The following TUT4 variants were observed in gnomAD, a reference collection of about 807,000 sequenced individuals.
TUT4 encodes the protein terminal uridylyl transferase 4.
In TUT4, 36 loss-of-function variants were observed where a neutral mutation model predicts 192.2. That is an observed-to-expected ratio of 0.19 (90% CI 0.14 to 0.25). The LOEUF (loss-of-function observed/expected upper bound fraction) is 0.25, where lower values mean the gene tolerates loss of function less well. Among genes scored for constraint, TUT4 ranks in the 10% least tolerant of loss-of-function variants. TUT4 has a pLI of 1.00. For synonymous variants in TUT4, 618 were observed against 666.0 expected (o/e 0.93, Z 1.11); for missense variants, 1,493 against 1,957.2 (o/e 0.76, Z 4.47).
rs760722000 is a variant in TUT4 at position 52,446,021 on chromosome 1, T to A, written c.3692-17A>T. 5.6e-6 allele frequency: 9 copies of A among 1,593,006 alleles called. No individual in the cohort carries two copies. In the South Asian group the frequency reaches 5.8e-5, roughly 10 times the overall value. The stretch of plus-strand genomic sequence containing the variant: ...CAAAAGGGTCTACAAAAGAAATATA[T>A]CAATGATTAAGAATTACATTCACTG... On this transcript the variant is annotated splice_polypyrimidine_tract_variant and intron_variant, in intron 22 of 29. Transcript: ENST00000257177.
intron 9 of TUT4, among the ~76,000 whole-genome samples, chr1:52,488,140 T>C (rs1670256464): frequency 6.6e-6 from 1 of 152,170 alleles, no homozygotes; most frequent in South Asian, 2.1e-4. Context: ...GGCAATTCTC[T>C]AAACAGAGCC....
intron 2 of TUT4, among the ~76,000 whole-genome samples, chr1:52,524,622 A>G (rs1203916005): frequency 6.6e-6 from 1 of 152,056 alleles, no homozygotes; most frequent in African/African-American, 2.4e-5. Flanking sequence ...CCTGGCCAAT[A>G]TGGTGAAATC....
intron 2 of TUT4, among the ~76,000 whole-genome samples, chr1:52,517,322 T>C (rs1052787921): frequency 7.2e-5 from 11 of 152,232 alleles, no homozygotes; most frequent in Non-Finnish European, 1.5e-5. Context: ...GCTAATGCTC[T>C]GTGTCATGTT....
In TUT4 at chr1:52,425,450, T is replaced by C; in HGVS notation, c.4769A>G (p.His1590Arg). 1 of 1,613,994 alleles carries C rather than the reference T, an allele frequency of 6.2e-7. No homozygotes were observed. The highest frequency in any genetic ancestry group is 8.5e-7 in the Non-Finnish European group (1 of 1,179,964). Residue 1590 changes from histidine (H) to arginine (R), a missense_variant, in exon 29 of 30, where the codon CAT becomes CGT. Transcript: ENST00000257177. ...CCACGAAGCTGGGACAAGGGGGAAA[T>C]GGGGACGCGGTGCATGTTCCCAAGG... ...PIPWEHAPRPHFPLVPASWPY... is the reference protein window; with the variant it reads ...PIPWEHAPRPRFPLVPASWPY...
intron 16 of TUT4, chr1:52,463,332 C>T: frequency 2.0e-6 from 2 of 991,296 alleles, no homozygotes; most frequent in Non-Finnish European, 2.4e-6. Flanking sequence ...TGGCTCTAAG[C>T]AGAATTTAAG....
In TUT4 at chr1:52,477,804, C is replaced by T; in HGVS notation, c.1927G>A (p.Asp643Asn). ...WLELLKFYTLDFALEEYVICV... is the reference protein window; with the variant it reads ...WLELLKFYTLNFALEEYVICV... ...ATGACATATTCCTCCAAAGCAAAAT[C>T]CAGTGTGTAGAATTTAAGCAGCTCT... Residue 643 changes from aspartate (D) to asparagine (N), a missense_variant, in exon 12 of 30, where the codon GAT (aspartate) becomes AAT (asparagine). By Grantham distance (23) the Asp-to-Asn change is conservative. Transcript: ENST00000257177. The T allele has an allele frequency of 6.2e-7, 1 of 1,613,958 alleles. No homozygotes were observed. The highest frequency in any genetic ancestry group is 8.5e-7 in the Non-Finnish European group (1 of 1,179,950).
intron 2 of TUT4, among the ~76,000 whole-genome samples, chr1:52,516,987 G>A (rs545044413): frequency 2.6e-5 from 4 of 152,160 alleles, no homozygotes; most frequent in African/African-American, 4.8e-5. Flanking sequence ...ATCTTGCCAC[G>A]ACACTTTTCA....
chr1:52,511,682 C>A (rs1203487895), intron 3 of TUT4, among the ~76,000 whole-genome samples: 1 of 151,922 alleles, frequency 6.6e-6, no homozygotes, highest in African/African-American at 2.4e-5. Flanking sequence ...CAGGAAGGTA[C>A]CTAAAATATT....
intron 24 of TUT4, among the ~76,000 whole-genome samples, chr1:52,444,030 G>A (rs971604273): frequency 1.3e-5 from 2 of 152,220 alleles, no homozygotes; most frequent in African/African-American, 4.8e-5. Flanking sequence ...GAGGTCAGGA[G>A]ATTGAGACCA....
chr1:52,478,813 C>T (rs143555886), intron 11 of TUT4, among the ~76,000 whole-genome samples: 1,856 of 152,254 alleles, frequency 0.012, 35 homozygotes, highest in African/African-American at 0.042. Flanking sequence ...TTCTCACATT[C>T]CATTTTACAA....
chr1:52,485,311 T>G (rs1001817258), intron 9 of TUT4, among the ~76,000 whole-genome samples: 1 of 152,238 alleles, frequency 6.6e-6, no homozygotes, highest in Non-Finnish European at 1.5e-5. Context: ...CACTTTTGTA[T>G]ATTTATCTTG....
intron 1 of TUT4, among the ~76,000 whole-genome samples, chr1:52,533,052 T>G (rs1018342909): frequency 3.9e-5 from 6 of 152,220 alleles, no homozygotes; most frequent in African/African-American, 1.2e-4. Flanking sequence ...TCTGATTCAG[T>G]AGATTGGGAG....
chr1:52,529,573 CTTT>C (rs1682794542), intron 1 of TUT4, among the ~76,000 whole-genome samples: 1 of 152,076 alleles, frequency 6.6e-6, no homozygotes, highest in Non-Finnish European at 1.5e-5. Flanking sequence ...TATAACGATT[CTTT>C]AATAATTTTG....
At chr1:52,430,299 G>C (rs1269290968) in intron 28 of TUT4, among the ~76,000 whole-genome samples, 2 of 151,300 alleles carry the variant, frequency 1.3e-5, no homozygotes, top group Non-Finnish European at 2.9e-5. Flanking sequence ...TCTTTTTTTT[G>C]TTTGAGACAG....
intron 1 of TUT4, among the ~76,000 whole-genome samples, chr1:52,528,386 G>A (rs1409436391): frequency 6.6e-6 from 1 of 151,552 alleles, no homozygotes; most frequent in East Asian, 1.9e-4. Context: ...AGCTACTTAG[G>A]AGGCTGAGGT....
At chr1:52,463,711 T>A in intron 16 of TUT4, 1 of 1,304,266 alleles carries the variant, frequency 7.7e-7, no homozygotes, top group East Asian at 5.5e-5. Flanking sequence ...CCTGGGACAC[T>A]TCTTCCCTGT....
chr1:52,461,733 T>C lies in TUT4; in HGVS notation c.3106A>G (p.Lys1036Glu). Residue 1036 changes from lysine (K) to glutamate (E), a missense_variant, in exon 17 of 30, where the codon AAA becomes GAA. Around this residue, in one of 7 missense-constraint regions of TUT4, gnomAD observed 141 missense variants for 382.7 expected, o/e 0.37. Coordinates refer to ENST00000257177, the MANE Select transcript of TUT4 (RefSeq NM_001009881.3). ...NCKEIIENLA[K>E]ILKRHPGLRN... ...ATACCTGGATGTCTCTTAAGAATTT[T>C]TGCCAAATTTTCAATTATTTCCTTA... 9 of 1,476,266 alleles carry C rather than the reference T, an allele frequency of 6.1e-6. No homozygotes were observed. The highest frequency in any genetic ancestry group is 8.3e-6 in the Non-Finnish European group (9 of 1,080,740). The allele number at this position is 1,476,266 out of a possible 1,614,324, so 91.4% of individuals were successfully genotyped here. A position where few individuals can be genotyped will look rare whatever the true frequency, so the allele number is the denominator to read the frequency against.
chr1:52,500,233 T>C (rs916053593), intron 4 of TUT4, among the ~76,000 whole-genome samples: 45 of 152,162 alleles, frequency 3.0e-4, no homozygotes, highest in African/African-American at 1.1e-3. Flanking sequence ...TTTCAACAAA[T>C]GTTGCTGGGA....
In TUT4 at chr1:52,423,996, C is replaced by T. The variant is rs1352195199; in HGVS notation, c.4877G>A (p.Cys1626Tyr). Residue 1626 changes from cysteine to tyrosine, a missense_variant, in exon 30 of 30, where the codon TGT (cysteine) becomes TAT (tyrosine). Physicochemically the swap from Cys to Tyr is radical, Grantham distance 194. Transcript: ENST00000257177. Reference sequence around the variant, plus strand: ...ACGCTCTCTACACCGACGGGTGGCACATCTGTCTGTTGGATACAACACAGA... The same window carrying T: ...ACGCTCTCTACACCGACGGGTGGCATATCTGTCTGTTGGATACAACACAGA... The part of the protein sequence containing the change: ...PNKPFYTQDR[C>Y]ATRRCRERCP... 6.2e-7 allele frequency: 1 copy of T among 1,611,046 alleles called. No individual in the cohort carries two copies. Among genetic ancestry groups the T allele is most frequent in the Non-Finnish European group, 8.5e-7 (1 of 1,178,628 alleles).
Sources: gnomAD v4.1 joint callset for allele counts (sites outside exome capture counted in the v4.1 genomes callset) on GRCh38, gnomAD v4.1.1 for gene constraint, gnomAD v4.1.1 regional missense constraint, MANE v1.5 for transcripts, NCBI Gene and HGNC (gene_info 2026-07-23, HGNC 2026-07-21) for gene names.